CCDC178: variants seen among roughly 807,000 people sequenced by gnomAD.
The protein encoded by CCDC178 is coiled-coil domain-containing protein 178.
A neutral mutation model predicts 117.4 loss-of-function variants in CCDC178; 126 were observed. The ratio of observed to expected loss-of-function variants is 1.07; its 90% CI spans 0.93 to 1.24. The LOEUF (loss-of-function observed/expected upper bound fraction) is 1.24. CCDC178 is among the 50% of genes most tolerant of loss of function. The pLI is 0.00. For missense variants in CCDC178, 1,030 were observed against 986.9 expected (o/e 1.04, Z -0.59); for synonymous variants, 283 against 313.4 (o/e 0.90, Z 1.02).
At chr18:33,221,878 A>G (rs2059238998) in intron 18 of CCDC178, among the ~76,000 whole-genome samples, 1 of 152,102 alleles carries the variant, frequency 6.6e-6, no homozygotes. Context: ...CTTTCTAAGA[A>G]CAAAATCTTA....
chr18:33,388,975 C>T (rs1266346676), intron 5 of CCDC178, among the ~76,000 whole-genome samples: 2 of 151,854 alleles, frequency 1.3e-5, no homozygotes, highest in African/African-American at 4.8e-5. Flanking sequence ...AGAGCACTTA[C>T]TGGGGCCTGT....
At chr18:33,068,942 C>G (rs1277775287) in intron 21 of CCDC178, among the ~76,000 whole-genome samples, 1 of 152,024 alleles carries the variant, frequency 6.6e-6, no homozygotes, top group East Asian at 1.9e-4. Context: ...ACCAAAAACT[C>G]TAAGAACTAA....
chr18:33,338,971 G>A (rs553391708), intron 9 of CCDC178, among the ~76,000 whole-genome samples: 1 of 152,026 alleles, frequency 6.6e-6, no homozygotes, highest in Admixed American at 6.5e-5. Context: ...CAAAATAAAT[G>A]CAAATTAACC....
intron 11 of CCDC178, among the ~76,000 whole-genome samples, chr18:33,315,374 C>T (rs765272767): frequency 5.3e-5 from 8 of 152,084 alleles, no homozygotes; most frequent in Admixed American, 1.3e-4. Context: ...AGTGGTTGCA[C>T]CAATTTAACC....
intron 11 of CCDC178, among the ~76,000 whole-genome samples, chr18:33,299,887 G>A (rs756094611): frequency 6.6e-6 from 1 of 151,958 alleles, no homozygotes. Flanking sequence ...AAACAACAAT[G>A]AGGTATCATA....
intron 20 of CCDC178, among the ~76,000 whole-genome samples, chr18:33,142,276 C>T (rs1416338857): frequency 1.3e-5 from 2 of 152,172 alleles, no homozygotes; most frequent in East Asian, 3.9e-4. Context: ...ATGACAAAGG[C>T]TTATCCAGCC....
intron 11 of CCDC178, among the ~76,000 whole-genome samples, chr18:33,308,487 T>C (rs2062289395): frequency 6.6e-6 from 1 of 152,330 alleles, no homozygotes; most frequent in East Asian, 1.9e-4. Context: ...TTGTCTCAGA[T>C]GAGACTGCAC....
At chr18:33,064,875 A>ATG (rs1386315566) in intron 21 of CCDC178, among the ~76,000 whole-genome samples, 1 of 152,198 alleles carries the variant, frequency 6.6e-6, no homozygotes, top group Admixed American at 6.5e-5. Context: ...AGAAGAAAAA[A>ATG]TGTGGTGTAT....
chr18:33,195,947 A>G (rs1448727407), intron 20 of CCDC178, among the ~76,000 whole-genome samples: 2 of 152,280 alleles, frequency 1.3e-5, no homozygotes, highest in Admixed American at 1.3e-4. Context: ...TTATTTGTGT[A>G]GAGTTGAATT....
At chr18:33,126,930 T>C (rs942258542) in intron 20 of CCDC178, among the ~76,000 whole-genome samples, 3 of 151,080 alleles carry the variant, frequency 2.0e-5, no homozygotes, top group African/African-American at 7.3e-5. Context: ...GCTAGAATTA[T>C]AGGCATGAGC....
chr18:33,288,498 T>C (rs929466600), intron 12 of CCDC178, among the ~76,000 whole-genome samples: 3 of 148,650 alleles, frequency 2.0e-5, no homozygotes, highest in African/African-American at 7.5e-5. Context: ...ATTTATTCCT[T>C]GATTCACTCA....
intron 22 of CCDC178, among the ~76,000 whole-genome samples, chr18:32,963,573 C>T (rs183016781): frequency 6.6e-6 from 1 of 151,958 alleles, no homozygotes. Flanking sequence ...TTTCCCTGTA[C>T]ACAATACTGT....
intron 21 of CCDC178, among the ~76,000 whole-genome samples, chr18:33,086,425 T>TATACACAC (rs1555640149): frequency 4.7e-5 from 7 of 147,860 alleles, no homozygotes; most frequent in African/African-American, 1.7e-4. Context: ...TAAATATATA[T>TATACACAC]ACACACACAC....
chr18:33,010,261 G>T (rs2055836749), intron 21 of CCDC178, among the ~76,000 whole-genome samples: 1 of 152,038 alleles, frequency 6.6e-6, no homozygotes, highest in Non-Finnish European at 1.5e-5. Flanking sequence ...CTACTGATCA[G>T]ACCTGTTATT....
At chr18:33,105,914 A>C (rs1362907221) in intron 20 of CCDC178, among the ~76,000 whole-genome samples, 1 of 151,696 alleles carries the variant, frequency 6.6e-6, no homozygotes, top group Non-Finnish European at 1.5e-5. Context: ...AAATGACTGT[A>C]GTTGATTTTC....
At chr18:33,031,320 C>T (rs1352431516) in intron 21 of CCDC178, among the ~76,000 whole-genome samples, 1 of 151,440 alleles carries the variant, frequency 6.6e-6, no homozygotes, top group African/African-American at 2.4e-5. Context: ...AATTATAGCA[C>T]TTCATAGCCT....
intron 20 of CCDC178, among the ~76,000 whole-genome samples, chr18:33,159,348 TG>T (rs2058437288): frequency 6.6e-6 from 1 of 152,260 alleles, no homozygotes; most frequent in East Asian, 1.9e-4. Flanking sequence ...ATTTTGCTGA[TG>T]CAGCTGTAAC....
At chr18:33,168,725 C>G (rs1315680254) in intron 20 of CCDC178, among the ~76,000 whole-genome samples, 1 of 152,058 alleles carries the variant, frequency 6.6e-6, no homozygotes, top group African/African-American at 2.4e-5. Flanking sequence ...AGTAATATGT[C>G]CTAACGGTGT....
intron 21 of CCDC178, among the ~76,000 whole-genome samples, chr18:33,085,605 C>T (rs1422702117): frequency 6.6e-6 from 1 of 152,084 alleles, no homozygotes; most frequent in Admixed American, 6.6e-5. Flanking sequence ...TTTTATGCTT[C>T]ATGGAGTTGT....
Sources: gnomAD v4.1 joint callset for allele counts (sites outside exome capture counted in the v4.1 genomes callset) on GRCh38, gnomAD v4.1.1 for gene constraint, MANE v1.5 for transcripts, NCBI Gene and HGNC (gene_info 2026-07-23, HGNC 2026-07-21) for gene names.